Variants in CLCN3 observed in about 807,000 individuals in gnomAD.
The protein encoded by CLCN3 is Cl-/H+ antiporter 3.
CLCN3 carries 16 observed loss-of-function variants against 83.4 expected under a neutral mutation model. The observed-to-expected ratio is 0.19, with a 90% CI of 0.13 to 0.29. The LOEUF (loss-of-function observed/expected upper bound fraction) is 0.29. CLCN3 is among the 10% of genes least tolerant of loss of function. CLCN3 has a pLI of 1.00. For synonymous variants in CLCN3, 322 were observed against 346.2 expected, an observed-to-expected ratio of 0.93 and a Z score of 0.78; for missense variants, 544 against 1,006.0, an observed-to-expected ratio of 0.54 and a Z score of 6.21.
intron 8 of CLCN3, among the ~76,000 whole-genome samples, chr4:169,696,626 A>G (rs72696630): frequency 0.096 from 14,543 of 152,074 alleles, 729 homozygotes; most frequent in African/African-American, 0.13. Flanking sequence ...CTTACTGTGC[A>G]ATAGAACACC....
chr4:169,650,092 GAA>G, intron 2 of CLCN3, among the ~76,000 whole-genome samples: 1 of 147,672 alleles, frequency 6.8e-6, no homozygotes. Context: ...CTATCTAAGA[GAA>G]AAAAAAAATG....
intron 2 of CLCN3, among the ~76,000 whole-genome samples, chr4:169,650,370 G>C (rs1730698039): frequency 6.6e-6 from 1 of 152,162 alleles, no homozygotes; most frequent in African/African-American, 2.4e-5. Flanking sequence ...TTGCTACAGA[G>C]TTTCAAAGGT....
chr4:169,650,480 A>G (rs1191846380), intron 2 of CLCN3, among the ~76,000 whole-genome samples: 1 of 152,222 alleles, frequency 6.6e-6, no homozygotes, highest in Non-Finnish European at 1.5e-5. Context: ...CTAATGAGTA[A>G]GACATTTGAC....
intron 11 of CLCN3, among the ~76,000 whole-genome samples, chr4:169,710,911 C>T (rs1197969759): frequency 6.6e-6 from 1 of 152,126 alleles, no homozygotes; most frequent in African/African-American, 2.4e-5. Flanking sequence ...CCAGGGTAGA[C>T]TTGAACTCCT....
intron 1 of CLCN3, among the ~76,000 whole-genome samples, chr4:169,632,790 A>G (rs903842406): frequency 6.7e-6 from 1 of 149,826 alleles, no homozygotes; most frequent in Admixed American, 6.7e-5. Flanking sequence ...TTTTTCTGCT[A>G]TATTAAAGAG....
intron 2 of CLCN3, chr4:169,660,455 C>G: frequency 1.5e-6 from 2 of 1,325,720 alleles, no homozygotes; most frequent in Non-Finnish European, 1.9e-6. Flanking sequence ...AGAGGTAATA[C>G]TATCCCCTTG....
intron 2 of CLCN3, among the ~76,000 whole-genome samples, chr4:169,667,037 T>C (rs1731269114): frequency 6.6e-6 from 1 of 152,220 alleles, no homozygotes; most frequent in Non-Finnish European, 1.5e-5. Flanking sequence ...TTATCTATTT[T>C]TTTTATTTTT....
chr4:169,709,331 T>C (rs6815569), intron 11 of CLCN3, among the ~76,000 whole-genome samples: 151,473 of 151,600 alleles, frequency 1, 75,673 homozygotes, highest in Non-Finnish European at 1. Flanking sequence ...AATATTAAAT[T>C]CAAATGAGAT....
At chr4:169,646,518 A>G (rs1208354867) in intron 2 of CLCN3, among the ~76,000 whole-genome samples, 2 of 151,966 alleles carry the variant, frequency 1.3e-5, no homozygotes, top group Non-Finnish European at 2.9e-5. Context: ...CTGGTCTCGA[A>G]TTCTTGACCT....
intron 2 of CLCN3, among the ~76,000 whole-genome samples, chr4:169,670,602 T>C (rs190177159): frequency 1.5e-4 from 23 of 152,362 alleles, no homozygotes; most frequent in African/African-American, 5.5e-4. Context: ...ATACGGGCTC[T>C]TTTTTGGTTC....
intron 2 of CLCN3, among the ~76,000 whole-genome samples, chr4:169,658,899 C>G (rs1730963049): frequency 6.6e-6 from 1 of 151,994 alleles, no homozygotes; most frequent in African/African-American, 2.4e-5. Context: ...AATATAAAAA[C>G]TTGATTTAAC....
intron 11 of CLCN3, among the ~76,000 whole-genome samples, chr4:169,707,528 G>A (rs769820820): frequency 2.0e-5 from 3 of 152,140 alleles, no homozygotes; most frequent in Non-Finnish European, 2.9e-5. Context: ...TTCCCACTCA[G>A]ATAAGCCTAG....
intron 9 of CLCN3, among the ~76,000 whole-genome samples, chr4:169,701,652 A>G (rs1049642772): frequency 6.6e-6 from 1 of 152,224 alleles, no homozygotes; most frequent in Admixed American, 6.5e-5. Flanking sequence ...ACGGAGGGAC[A>G]TAAGGCAGAA....
intron 9 of CLCN3, among the ~76,000 whole-genome samples, chr4:169,702,282 C>G (rs1732819050): frequency 6.6e-6 from 1 of 152,140 alleles, no homozygotes; most frequent in Non-Finnish European, 1.5e-5. Flanking sequence ...CCTGCTGTAA[C>G]AAAAGTACTA....
intron 1 of CLCN3, among the ~76,000 whole-genome samples, chr4:169,631,834 G>A (rs4692736): frequency 0.97 from 147,656 of 152,266 alleles, 71,746 homozygotes; most frequent in East Asian, 1. Context: ...GAGGAAATGG[G>A]TAAATTCTGG....
intron 2 of CLCN3, among the ~76,000 whole-genome samples, chr4:169,675,022 G>A (rs182046880): frequency 9.8e-5 from 15 of 152,322 alleles, no homozygotes; most frequent in Admixed American, 2.6e-4. Context: ...GATTACAGGC[G>A]TGGGCCACCA....
chr4:169,679,076 C>T lies in CLCN3; in HGVS notation c.161-974C>T, dbSNP rs76179196. On this transcript the variant is annotated intron_variant, in intron 2 of 12. Transcript: ENST00000513761. ...CCCAGACTGGGTGGCCGGGCGGAGA[C>T]GCTCCTCACTTCCCAGATGGGGCGG... Among the ~76,000 whole-genome samples, 7 of 150,060 alleles carry T rather than the reference C, an allele frequency of 4.7e-5. No individual in the cohort carries two copies. In the East Asian group the frequency reaches 6.0e-4, roughly 13 times the overall value.
intron 9 of CLCN3, among the ~76,000 whole-genome samples, chr4:169,700,994 A>T (rs1319020973): frequency 6.6e-6 from 1 of 152,198 alleles, no homozygotes; most frequent in African/African-American, 2.4e-5. Context: ...AAATAAGATA[A>T]CAGTGAAATT....
rs1440498060 is a variant in CLCN3, at chr4:169,721,265, A to T, written c.*1268A>T. 1 of 152,172 alleles carries T rather than the reference A, an allele frequency of 6.6e-6. No individual in the cohort carries two copies. The highest frequency in any genetic ancestry group is 1.5e-5 in the Non-Finnish European group (1 of 68,028). The allele number at this position is 152,172 out of a possible 1,614,324, so 9.4% of individuals were successfully genotyped here. A position where few individuals can be genotyped will look rare whatever the true frequency, so the allele number is the denominator to read the frequency against. On this transcript the variant is annotated 3_prime_UTR_variant, in exon 13 of 13. Transcript: ENST00000513761. ...ATTTTACCTTTTTAATGTGATTTTTATAGAATAATTCAGACTTACAAATAC... is the reference window on the plus strand; with the variant it reads ...ATTTTACCTTTTTAATGTGATTTTTTTAGAATAATTCAGACTTACAAATAC...
Sources: gnomAD v4.1 joint callset for allele counts (sites outside exome capture counted in the v4.1 genomes callset) on GRCh38, gnomAD v4.1.1 for gene constraint, MANE v1.5 for transcripts, NCBI Gene and HGNC (gene_info 2026-07-23, HGNC 2026-07-21) for gene names.